NUP153: variants seen among roughly 807,000 people sequenced by gnomAD.
The protein encoded by NUP153 is nuclear pore complex protein Nup153.
Under a neutral mutation model 134.6 loss-of-function variants are expected in NUP153, and 27 were observed. The observed-to-expected ratio is 0.20, with a 90% CI of 0.15 to 0.28. The LOEUF (loss-of-function observed/expected upper bound fraction) is 0.28. Ranked by LOEUF, NUP153 falls within the 10% of genes least tolerant of loss-of-function variation. The probability of loss-of-function intolerance (pLI) is 1.00; values close to 1 mark genes in which losing one functional copy is unlikely to be tolerated. For synonymous variants in NUP153, 640 were observed against 623.5 expected, an observed-to-expected ratio of 1.03 and a Z score of -0.40; for missense variants, 1,821 against 1,731.3, an observed-to-expected ratio of 1.05 and a Z score of -0.92.
At chr6:17,681,766 T>C (rs1275194629) in intron 2 of NUP153, among the ~76,000 whole-genome samples, 1 of 152,190 alleles carries the variant, frequency 6.6e-6, no homozygotes, top group Non-Finnish European at 1.5e-5. Context: ...TACTGTAGTA[T>C]ATTACACTAT....
chr6:17,657,346 C>A (rs1469854109), intron 11 of NUP153, among the ~76,000 whole-genome samples: 1 of 150,472 alleles, frequency 6.6e-6, no homozygotes, highest in African/African-American at 2.4e-5. Flanking sequence ...AGTTCGAGAC[C>A]AGCCTGGACA....
intron 17 of NUP153, among the ~76,000 whole-genome samples, chr6:17,632,230 G>C (rs1429370867): frequency 2.0e-5 from 3 of 152,122 alleles, no homozygotes; most frequent in Non-Finnish European, 4.4e-5. Flanking sequence ...GAACCTGGGA[G>C]GCGGAGATTG....
chr6:17,653,708 G>C (rs1246575996), intron 11 of NUP153, among the ~76,000 whole-genome samples: 1 of 152,172 alleles, frequency 6.6e-6, no homozygotes, highest in East Asian at 1.9e-4. Flanking sequence ...GAAAAAATGA[G>C]AACAGTGATT....
chr6:17,687,283 G>C (rs926922876), intron 2 of NUP153, among the ~76,000 whole-genome samples: 3 of 151,972 alleles, frequency 2.0e-5, no homozygotes, highest in African/African-American at 7.2e-5. Flanking sequence ...TAACCAAAAG[G>C]AAACAAATCT....
In NUP153 at chr6:17,618,558, CTCTCTTT is replaced by C. The variant is rs774518107; in HGVS notation, c.4175-1870_4175-1864del. On this transcript the variant is annotated intron_variant, in intron 20 of 21. Transcript: ENST00000262077. Reference sequence around the variant, plus strand: ...TTAAAGAAATAGTGGAAGTTAAAATCTCTCTTTTTTTTTTTTTTTTTTTTAAAGATGG... The same window carrying C: ...TTAAAGAAATAGTGGAAGTTAAAATCTTTTTTTTTTTTTTTTTAAAGATGG... Among the ~76,000 whole-genome samples, 6 of 63,652 alleles carry C rather than the reference CTCTCTTT, an allele frequency of 9.4e-5. No individual in the cohort carries two copies. In the East Asian group the frequency reaches 2.6e-3, roughly 28 times the overall value. 41.8% of individuals were successfully genotyped at this position (63,652 alleles called of 152,430 possible).
chr6:17,620,579 A>G (rs1395548417), intron 20 of NUP153, among the ~76,000 whole-genome samples: 1 of 152,238 alleles, frequency 6.6e-6, no homozygotes, highest in Non-Finnish European at 1.5e-5. Flanking sequence ...CATTGGTCTA[A>G]GCCAAGCTTG....
intron 2 of NUP153, among the ~76,000 whole-genome samples, chr6:17,679,489 A>C (rs1234167948): frequency 6.6e-6 from 1 of 152,218 alleles, no homozygotes; most frequent in Non-Finnish European, 1.5e-5. Context: ...AATCCCAAAG[A>C]CATTTTTGCA....
At chr6:17,618,320 C>T (rs938228511) in intron 20 of NUP153, among the ~76,000 whole-genome samples, 1 of 152,110 alleles carries the variant, frequency 6.6e-6, no homozygotes, top group Non-Finnish European at 1.5e-5. Context: ...GAGTACCAGG[C>T]ATTTGAGGAC....
intron 9 of NUP153, among the ~76,000 whole-genome samples, chr6:17,664,948 G>A (rs1391809904): frequency 6.7e-6 from 1 of 150,282 alleles, no homozygotes; most frequent in Non-Finnish European, 1.5e-5. Context: ...AGCTACTCGG[G>A]GGGCTGAAGC....
At chr6:17,631,542 T>C (rs1765254313) in intron 17 of NUP153, among the ~76,000 whole-genome samples, 1 of 152,156 alleles carries the variant, frequency 6.6e-6, no homozygotes, top group Admixed American at 6.6e-5. Flanking sequence ...CTACACTCTG[T>C]CCACTGAGTA....
Position 17,706,540 on chromosome 6 carries a change from G to A in NUP153, c.-153C>T. 1.7e-6 allele frequency: 1 copy of A among 604,800 alleles called. No homozygotes were observed. The highest frequency in any genetic ancestry group is 2.9e-5 in the East Asian group (1 of 34,350). 37.5% of individuals were successfully genotyped at this position (604,800 alleles called of 1,614,324 possible). A position where few individuals can be genotyped will look rare whatever the true frequency, so the allele number is the denominator to read the frequency against. On this transcript the variant is annotated 5_prime_UTR_variant, in exon 1 of 22. Transcript: ENST00000262077. This position sits in a 1 kb window ranked among gnomAD's most constrained non-coding sequence, Gnocchi z 5.9. Reference sequence around the variant, plus strand: ...TGGGCACAAGCACCCCAGGAACCGCGAGGTTGCGAGCAGGAGCGGAGAGAG... The same window carrying A: ...TGGGCACAAGCACCCCAGGAACCGCAAGGTTGCGAGCAGGAGCGGAGAGAG...
intron 17 of NUP153, among the ~76,000 whole-genome samples, chr6:17,631,316 T>C (rs1006919389): frequency 6.6e-6 from 1 of 152,236 alleles, no homozygotes; most frequent in Non-Finnish European, 1.5e-5. Context: ...AATCAAGAGT[T>C]TGAAAGCTAA....
chr6:17,663,235 ACAC>A (rs1767305613), intron 9 of NUP153, among the ~76,000 whole-genome samples: 1 of 28,762 alleles, frequency 3.5e-5, no homozygotes, highest in African/African-American at 7.7e-5. Flanking sequence ...AAAAAAATAC[ACAC>A]ACACACACAC....
At chr6:17,701,847 A>AGGGGGGGGG (rs1554148736) in intron 1 of NUP153, among the ~76,000 whole-genome samples, 5 of 78,112 alleles carry the variant, frequency 6.4e-5, no homozygotes, top group African/African-American at 1.3e-4. Context: ...GGGGGGGGAA[A>AGGGGGGGGG]AAAGCTAAAT....
chr6:17,689,606 G>A (rs1192471097), intron 1 of NUP153, among the ~76,000 whole-genome samples: 1 of 149,962 alleles, frequency 6.7e-6, no homozygotes, highest in Non-Finnish European at 1.5e-5. Flanking sequence ...GTGCGATCTC[G>A]GCTCACCACA....
intron 21 of NUP153, 101 bp from the exon 22 acceptor site, chr6:17,616,282 TG>T (rs3836949): frequency 1.1e-4 from 38 of 334,172 alleles, no homozygotes; most frequent in African/African-American, 2.8e-4. Context: ...GGGGGTCGGG[TG>T]GGGGGGGAGT....
intron 11 of NUP153, among the ~76,000 whole-genome samples, chr6:17,656,705 C>T (rs968575673): frequency 6.6e-6 from 1 of 152,178 alleles, no homozygotes; most frequent in Non-Finnish European, 1.5e-5. Context: ...CAGCTCAAAT[C>T]TGTCTCCCCG....
In NUP153 at chr6:17,632,674, G is replaced by T; in HGVS notation, c.2635C>A (p.Pro879Thr). The stretch of plus-strand genomic sequence containing the variant: ...CCTTTAAACCCAGATTTTGTGCCTG[G>T]CTTTGCACTTTCACATGCCAAACAT... Reference protein sequence around the residue: ...TKCLACESAKPGTKSGFKGFD... With the variant: ...TKCLACESAKTGTKSGFKGFD... Residue 879 changes from proline (P) to threonine (T), a missense_variant, in exon 17 of 22, where the codon CCA becomes ACA. Pro to Thr is a conservative substitution (Grantham distance 38). Coordinates refer to ENST00000262077, the MANE Select transcript of NUP153 (RefSeq NM_005124.4). 1 of 1,608,802 alleles carries T rather than the reference G, an allele frequency of 6.2e-7. No homozygotes were observed.
intron 1 of NUP153, 39 bp from the exon 2 acceptor site, chr6:17,688,657 T>G: frequency 6.6e-7 from 1 of 1,504,902 alleles, no homozygotes; most frequent in Non-Finnish European, 9.1e-7. Flanking sequence ...GTTTTAGAAA[T>G]TTATCTTTTT....
Sources: allele counts gnomAD v4.1 joint callset (sites outside exome capture counted in the v4.1 genomes callset), GRCh38; gene constraint gnomAD v4.1.1; non-coding constraint Gnocchi (gnomAD v3.1); transcripts MANE v1.5; gene names NCBI Gene and HGNC (gene_info 2026-07-23, HGNC 2026-07-21).